Variants in PPP3CC observed in about 807,000 individuals in gnomAD.
The protein encoded by PPP3CC is serine/threonine-protein phosphatase 2B catalytic subunit gamma isoform.
In PPP3CC, 35 loss-of-function variants were observed where a neutral mutation model predicts 60.3. That is an observed-to-expected ratio of 0.58 (90% confidence interval 0.44 to 0.77). The LOEUF (loss-of-function observed/expected upper bound fraction) is 0.77. Among genes scored for constraint, PPP3CC ranks in the 30% least tolerant of loss-of-function variants. The pLI, the probability that PPP3CC is intolerant of heterozygous loss-of-function variation, is 0.00. For missense variants in PPP3CC, 570 were observed against 628.9 expected (o/e 0.91, Z 1.00); for synonymous variants, 206 against 224.3 (o/e 0.92, Z 0.73).
At chr8:22,442,821 G>A (rs1374682222) in intron 1 of PPP3CC, among the ~76,000 whole-genome samples, 3 of 152,164 alleles carry the variant, frequency 2.0e-5, no homozygotes, top group African/African-American at 7.2e-5. Context: ...GTACTGTGCT[G>A]TTAATATGGC....
chr8:22,538,453 A>C (rs1440327765), intron 12 of PPP3CC, among the ~76,000 whole-genome samples: 1 of 152,134 alleles, frequency 6.6e-6, no homozygotes, highest in Non-Finnish European at 1.5e-5. Flanking sequence ...TCAGTTATCC[A>C]TTTTTCACAT....
chr8:22,499,107 A>G (rs183033528), intron 4 of PPP3CC, among the ~76,000 whole-genome samples: 85 of 149,234 alleles, frequency 5.7e-4, no homozygotes, highest in African/African-American at 2.0e-3. Flanking sequence ...CAACAGAGCG[A>G]GACTCCGACT....
At chr8:22,447,225 G>T (rs1836855762) in intron 1 of PPP3CC, among the ~76,000 whole-genome samples, 1 of 146,302 alleles carries the variant, frequency 6.8e-6, no homozygotes. Flanking sequence ...TGTCGTCCAG[G>T]CTGGAGTGCA....
intron 1 of PPP3CC, among the ~76,000 whole-genome samples, chr8:22,454,884 A>G (rs945592478): frequency 1.3e-5 from 2 of 151,988 alleles, no homozygotes; most frequent in African/African-American, 2.4e-5. Flanking sequence ...GTGAAACCCC[A>G]TCTCTACTAA....
intron 4 of PPP3CC, 71 bp from the exon 5 acceptor site, chr8:22,511,012 TCTC>T: frequency 6.9e-7 from 1 of 1,445,064 alleles, no homozygotes; most frequent in Admixed American, 2.0e-5. Flanking sequence ...AGCTTCATAT[TCTC>T]CTGGCCTATA....
At chr8:22,490,472 C>CT (rs1193915057) in intron 3 of PPP3CC, among the ~76,000 whole-genome samples, 1 of 151,966 alleles carries the variant, frequency 6.6e-6, no homozygotes, top group Admixed American at 6.6e-5. Context: ...TTTTATTATA[C>CT]TTTAAGTTCT....
chr8:22,463,211 G>T (rs768765251), intron 1 of PPP3CC, among the ~76,000 whole-genome samples: 2 of 152,132 alleles, frequency 1.3e-5, no homozygotes, highest in South Asian at 2.1e-4. Context: ...CATCTGGGAG[G>T]TTGTGTTCTG....
chr8:22,446,667 A>G (rs1435858191), intron 1 of PPP3CC, among the ~76,000 whole-genome samples: 1 of 151,994 alleles, frequency 6.6e-6, no homozygotes, highest in African/African-American at 2.4e-5. Context: ...TTAACTAGGC[A>G]TGGTGGTGCA....
At chr8:22,477,384 G>C (rs1036892978) in intron 3 of PPP3CC, among the ~76,000 whole-genome samples, 1 of 151,926 alleles carries the variant, frequency 6.6e-6, no homozygotes, top group Admixed American at 6.6e-5. Flanking sequence ...GGCTGAGGCA[G>C]GATAATCACT....
intron 6 of PPP3CC, among the ~76,000 whole-genome samples, chr8:22,519,846 G>A (rs957603762): frequency 6.6e-6 from 1 of 152,028 alleles, no homozygotes; most frequent in African/African-American, 2.4e-5. Context: ...AGTAGAGATG[G>A]GGTTTCACCA....
At chr8:22,478,439 C>T (rs60373818) in intron 3 of PPP3CC, among the ~76,000 whole-genome samples, 2,933 of 152,162 alleles carry the variant, frequency 0.019, 55 homozygotes, top group East Asian at 0.084. Flanking sequence ...CATGAGCCAC[C>T]GCGCCCAGCC....
At chr8:22,471,630 T>G (rs1586807500) in intron 1 of PPP3CC, among the ~76,000 whole-genome samples, 1 of 152,050 alleles carries the variant, frequency 6.6e-6, no homozygotes, top group African/African-American at 2.4e-5. Flanking sequence ...GAAGGTACAA[T>G]AAAAACACAG....
At chr8:22,511,349 G>A (rs1839082259) in intron 5 of PPP3CC, 118 bp downstream of exon 5, 2 of 1,136,402 alleles carry the variant, frequency 1.8e-6, no homozygotes. Context: ...AAGTACAGTG[G>A]TGCTATCTCA....
At chr8:22,516,474 T>A (rs1425240986) in intron 6 of PPP3CC, among the ~76,000 whole-genome samples, 2 of 152,240 alleles carry the variant, frequency 1.3e-5, no homozygotes, top group Non-Finnish European at 2.9e-5. Flanking sequence ...TGTAGATATA[T>A]AATTGATTCT....
chr8:22,489,363 C>T (rs775545546), intron 3 of PPP3CC, among the ~76,000 whole-genome samples: 23 of 151,686 alleles, frequency 1.5e-4, no homozygotes, highest in Non-Finnish European at 3.1e-4. Flanking sequence ...TTGTGCTTAT[C>T]TGTGATCTCT....
chr8:22,480,557 C>A (rs1838031511), intron 3 of PPP3CC, among the ~76,000 whole-genome samples: 2 of 152,232 alleles, frequency 1.3e-5, no homozygotes, highest in Non-Finnish European at 2.9e-5. Flanking sequence ...CAGCTCACTG[C>A]ATCCTCCGCC....
At chr8:22,467,592 C>T (rs892461733) in intron 1 of PPP3CC, among the ~76,000 whole-genome samples, 9 of 151,960 alleles carry the variant, frequency 5.9e-5, no homozygotes, top group Admixed American at 2.0e-4. Flanking sequence ...CCACCACACC[C>T]GGCTAATTTT....
chr8:22,494,040 TA>T (rs752464938), intron 3 of PPP3CC, among the ~76,000 whole-genome samples: 42 of 152,302 alleles, frequency 2.8e-4, no homozygotes, highest in Non-Finnish European at 4.9e-4. Context: ...ATTTTAATTT[TA>T]TGGGACCATT....
At chr8:22,503,480 T>C (rs1441815529) in intron 4 of PPP3CC, among the ~76,000 whole-genome samples, 1 of 152,006 alleles carries the variant, frequency 6.6e-6, no homozygotes, top group Non-Finnish European at 1.5e-5. Context: ...TTTCAGAGGG[T>C]TTTTTAGGTG....
Sources: gnomAD v4.1 joint callset for allele counts (sites outside exome capture counted in the v4.1 genomes callset) on GRCh38, gnomAD v4.1.1 for gene constraint, MANE v1.5 for transcripts, NCBI Gene and HGNC (gene_info 2026-07-23, HGNC 2026-07-21) for gene names.